The following DCAF10 variants were observed in gnomAD, a reference collection of about 807,000 sequenced individuals.
The protein encoded by DCAF10 is DDB1 and CUL4 associated factor 10, also known as DDB1- and CUL4-associated factor 10.
DCAF10 carries 19 observed loss-of-function variants against 51.9 expected under a neutral mutation model. That is an observed-to-expected ratio of 0.37 (90% CI 0.26 to 0.54). DCAF10 has a LOEUF of 0.54. Ranked by LOEUF, DCAF10 falls within the 20% of genes least tolerant of loss-of-function variation. The pLI, the probability that DCAF10 is intolerant of heterozygous loss-of-function variation, is 0.87. For missense variants in DCAF10, 510 were observed against 730.6 expected, an observed-to-expected ratio of 0.70 and a Z score of 3.48; for synonymous variants, 291 against 297.1, an observed-to-expected ratio of 0.98 and a Z score of 0.21.
At chr9:37,824,954 A>T (rs1829809247) in intron 2 of DCAF10, among the ~76,000 whole-genome samples, 1 of 152,224 alleles carries the variant, frequency 6.6e-6, no homozygotes, top group Non-Finnish European at 1.5e-5. Flanking sequence ...ATTATAAAGA[A>T]TTAGAAGTCT....
Position 37,821,090 on chromosome 9 carries a change from C to CATATATAT in DCAF10, c.653+1697_653+1704dup, listed in dbSNP as rs144524647. 6.0e-3 allele frequency among the ~76,000 whole-genome samples: 910 copies of CATATATAT among 150,416 alleles called. 8 individuals carry two copies. The highest frequency in any genetic ancestry group is 0.021 in the African/African-American group (866 of 40,902). On this transcript the variant is annotated intron_variant, in intron 2 of 6. Transcript: ENST00000377724. ...CTAAGATAATTGTTGCATATACAAACATATATATATATATACACACACACA... is the reference window on the plus strand; with the variant it reads ...CTAAGATAATTGTTGCATATACAAACATATATATATATATATATATATACACACACACA...
intron 3 of DCAF10, among the ~76,000 whole-genome samples, chr9:37,844,375 G>A (rs1363573931): frequency 1.3e-5 from 2 of 152,164 alleles, no homozygotes; most frequent in Non-Finnish European, 2.9e-5. Context: ...ATTAGGCCAC[G>A]TGTGGTGGCT....
intron 1 of DCAF10, among the ~76,000 whole-genome samples, chr9:37,812,736 TA>T (rs1829389503): frequency 1.3e-5 from 2 of 152,026 alleles, no homozygotes; most frequent in African/African-American, 4.8e-5. Flanking sequence ...TGGGCTCAAG[TA>T]ATCCTCTTGC....
At chr9:37,857,899 C>T (rs1327203806) in intron 5 of DCAF10, among the ~76,000 whole-genome samples, 1 of 152,198 alleles carries the variant, frequency 6.6e-6, no homozygotes, top group Non-Finnish European at 1.5e-5. Context: ...CCACCACACC[C>T]CCCCAGTTGA....
At chr9:37,851,894 A>G (rs1830663220) in intron 3 of DCAF10, among the ~76,000 whole-genome samples, 1 of 152,002 alleles carries the variant, frequency 6.6e-6, no homozygotes, top group African/African-American at 2.4e-5. Flanking sequence ...AAATATAAAG[A>G]AGCAAGTTAT....
intron 3 of DCAF10, among the ~76,000 whole-genome samples, chr9:37,847,979 A>G (rs1830527287): frequency 6.6e-6 from 1 of 152,362 alleles, no homozygotes; most frequent in East Asian, 1.9e-4. Flanking sequence ...AACATTGCTA[A>G]AGGGAATATA....
chr9:37,853,413 C>CCA (rs1830749846), intron 3 of DCAF10, among the ~76,000 whole-genome samples: 1 of 111,818 alleles, frequency 8.9e-6, no homozygotes, highest in Admixed American at 9.6e-5. Flanking sequence ...AACTCCATCT[C>CCA]AAAAAAAAAA....
rs2118216380 is a variant in DCAF10 at position 37,863,002 on chromosome 9, G to T, written c.*1494G>T. The T allele has an allele frequency of 6.6e-6, 1 of 152,198 alleles. No homozygotes were observed. Among genetic ancestry groups the T allele is most frequent in the South Asian group, 2.1e-4 (1 of 4,816 alleles). The allele number at this position is 152,198 out of a possible 1,614,324, so 9.4% of individuals were successfully genotyped here. ...TATTCTGAGGGTCTCGGGATTGCAGGTTGAAAAACACAACCTTAATCAGCA... is the reference window on the plus strand; with the variant it reads ...TATTCTGAGGGTCTCGGGATTGCAGTTTGAAAAACACAACCTTAATCAGCA... On this transcript the variant is annotated 3_prime_UTR_variant, in exon 7 of 7. Coordinates refer to ENST00000377724, the MANE Select transcript of DCAF10 (RefSeq NM_024345.5).
intron 3 of DCAF10, among the ~76,000 whole-genome samples, chr9:37,846,810 T>C (rs1830486677): frequency 6.6e-6 from 1 of 152,158 alleles, no homozygotes; most frequent in African/African-American, 2.4e-5. Context: ...TCAAATGGCT[T>C]CACTGATTAA....
In DCAF10 at chr9:37,839,018, C is replaced by CAGAA. The variant is rs1417619100; in HGVS notation, c.654-3070_654-3069insGAAA. 1.7e-3 allele frequency among the ~76,000 whole-genome samples: 260 copies of CAGAA among 152,076 alleles called. 1 individual carries two copies. The highest frequency in any genetic ancestry group is 5.6e-3 in the African/African-American group (231 of 41,518). ...GGTTTAAAACAGAAATTAAGCTAAA[C>CAGAA]ATCAATAAAGTGGTTATTTTTGGTG... On this transcript the variant is annotated intron_variant, in intron 2 of 6. Transcript: ENST00000377724.
At chr9:37,819,041 C>A (rs1296869608) in intron 1 of DCAF10, among the ~76,000 whole-genome samples, 1 of 152,116 alleles carries the variant, frequency 6.6e-6, no homozygotes, top group Non-Finnish European at 1.5e-5. Context: ...ATTTTAAATT[C>A]TGATACTTTA....
rs1274043679 is a variant in DCAF10 at position 37,867,042 on chromosome 9, T to C, written c.*5534T>C. On this transcript the variant is annotated 3_prime_UTR_variant, in exon 7 of 7. Transcript: ENST00000377724. Reference sequence around the variant, plus strand: ...ATAAAATAAGATTATATGAAATTTATATTCTAGAAATGATTCCAAATCATG... The same window carrying C: ...ATAAAATAAGATTATATGAAATTTACATTCTAGAAATGATTCCAAATCATG... 1.3e-5 allele frequency: 2 copies of C among 152,224 alleles called. No individual in the cohort carries two copies. The highest frequency in any genetic ancestry group is 1.3e-4 in the Admixed American group (2 of 15,280). The allele number at this position is 152,224 out of a possible 1,614,324, so 9.4% of individuals were successfully genotyped here. A position where few individuals can be genotyped will look rare whatever the true frequency, so the allele number is the denominator to read the frequency against.
At chr9:37,820,678 TGGGGG>T (rs1829675628) in intron 2 of DCAF10, among the ~76,000 whole-genome samples, 1 of 152,096 alleles carries the variant, frequency 6.6e-6, no homozygotes, top group African/African-American at 2.4e-5. Context: ...AGTTGTGGAC[TGGGGG>T]CCCAGATGGC....
chr9:37,814,390 C>T (rs1158643281), intron 1 of DCAF10, among the ~76,000 whole-genome samples: 8 of 146,914 alleles, frequency 5.4e-5, no homozygotes, highest in South Asian at 4.4e-4. Flanking sequence ...CCTTGTGATC[C>T]GCCCGCCTCG....
intron 1 of DCAF10, among the ~76,000 whole-genome samples, chr9:37,802,649 ACT>A (rs1057092881): frequency 1.3e-5 from 2 of 152,068 alleles, no homozygotes; most frequent in South Asian, 2.1e-4. Flanking sequence ...GAGCAAGTAG[ACT>A]CTATTCCATT....
chr9:37,834,333 C>G (rs1050180382), intron 2 of DCAF10, among the ~76,000 whole-genome samples: 16 of 152,076 alleles, frequency 1.1e-4, no homozygotes, highest in Admixed American at 3.3e-4. Flanking sequence ...CAATTAAAGT[C>G]AAAGTATTGA....
chr9:37,848,926 T>C (rs944038744), intron 3 of DCAF10, among the ~76,000 whole-genome samples: 1 of 145,044 alleles, frequency 6.9e-6, no homozygotes, highest in Non-Finnish European at 1.5e-5. Context: ...TGAGTCAAGA[T>C]CACGCCACTG....
At chr9:37,845,416 A>G (rs1830446532) in intron 3 of DCAF10, among the ~76,000 whole-genome samples, 1 of 152,234 alleles carries the variant, frequency 6.6e-6, no homozygotes, top group African/African-American at 2.4e-5. Context: ...AATATAGAAG[A>G]AGATGATAGA....
intron 3 of DCAF10, among the ~76,000 whole-genome samples, 167 bp from the exon 4 acceptor site, chr9:37,854,613 A>G (rs1830792140): frequency 2.0e-5 from 3 of 152,158 alleles, no homozygotes; most frequent in South Asian, 4.1e-4. Flanking sequence ...CCTACTGTGC[A>G]ATATTAATAC....
Sources: gnomAD v4.1 joint callset for allele counts (sites outside exome capture counted in the v4.1 genomes callset) on GRCh38, gnomAD v4.1.1 for gene constraint, MANE v1.5 for transcripts, NCBI Gene and HGNC (gene_info 2026-07-23, HGNC 2026-07-21) for gene names.